Variants in PRUNE2 observed in about 807,000 individuals in gnomAD.
PRUNE2 encodes the protein prune homolog 2 with BCH domain.
Under a neutral mutation model 252.0 loss-of-function variants are expected in PRUNE2, and 164 were observed. The ratio of observed to expected loss-of-function variants is 0.65; its 90% CI spans 0.57 to 0.74. The LOEUF (loss-of-function observed/expected upper bound fraction) is 0.74. Ranked by LOEUF, PRUNE2 falls within the 30% of genes least tolerant of loss-of-function variation. The probability of loss-of-function intolerance (pLI) is 0.00; values close to 1 mark genes in which losing one functional copy is unlikely to be tolerated. For missense variants in PRUNE2, 3,495 were observed against 3,711.0 expected (o/e 0.94, Z 1.51); for synonymous variants, 1,292 against 1,350.2 (o/e 0.96, Z 0.94).
At chr9:76,842,782 T>C (rs2059461908) in intron 4 of PRUNE2, among the ~76,000 whole-genome samples, 1 of 152,160 alleles carries the variant, frequency 6.6e-6, no homozygotes, top group Non-Finnish European at 1.5e-5. Context: ...TGAGATATCA[T>C]CTCATGCCAG....
At chr9:76,830,307 G>T (rs1242245076) in intron 4 of PRUNE2, among the ~76,000 whole-genome samples, 1 of 152,044 alleles carries the variant, frequency 6.6e-6, no homozygotes, top group African/African-American at 2.4e-5. Flanking sequence ...AAAGGCAATT[G>T]GTATACTAAT....
chr9:76,754,964 C>CAAAAAA (rs11292120), intron 6 of PRUNE2, among the ~76,000 whole-genome samples: 3 of 67,952 alleles, frequency 4.4e-5, no homozygotes, highest in African/African-American at 4.9e-5. Flanking sequence ...GACTCGGTCT[C>CAAAAAA]AAAAAAAAAA....
At chr9:76,901,931 C>T (rs996045471) in intron 1 of PRUNE2, among the ~76,000 whole-genome samples, 4 of 152,202 alleles carry the variant, frequency 2.6e-5, no homozygotes, top group African/African-American at 7.2e-5. Context: ...TGACAGCTGA[C>T]AACATCCCCA....
intron 11 of PRUNE2, among the ~76,000 whole-genome samples, chr9:76,647,964 A>AACC (rs1175362531): frequency 3.3e-5 from 5 of 152,006 alleles, no homozygotes; most frequent in African/African-American, 4.8e-5. Flanking sequence ...GTGTCTCAAA[A>AACC]ACAACAACAA....
chr9:76,843,123 T>C (rs1287685777), intron 4 of PRUNE2, among the ~76,000 whole-genome samples: 1 of 152,120 alleles, frequency 6.6e-6, no homozygotes, highest in African/African-American at 2.4e-5. Flanking sequence ...ATATACACCA[T>C]GGAATACTAT....
chr9:76,658,574 A>G (rs1850112675), intron 9 of PRUNE2, among the ~76,000 whole-genome samples: 1 of 152,248 alleles, frequency 6.6e-6, no homozygotes, highest in Non-Finnish European at 1.5e-5. Context: ...CAGTTTTGTG[A>G]TCAGTAACTG....
At chr9:76,751,598 A>G (rs185801304) in intron 6 of PRUNE2, among the ~76,000 whole-genome samples, 140 of 152,320 alleles carry the variant, frequency 9.2e-4, no homozygotes, top group Non-Finnish European at 3.7e-4. Flanking sequence ...TTCGTGGGAA[A>G]TGTACCAGGC....
rs2055901557 is a variant in PRUNE2, at chr9:76,794,636, GA to G, written c.756+28995del. On this transcript the variant is annotated intron_variant, in intron 6 of 18. Coordinates refer to ENST00000376718, the MANE Select transcript of PRUNE2 (RefSeq NM_015225.3). ...CTCAAAAAAAAAAAAAAAAAGAAAAGAAAAGAAAGAAAGAAAAAGAAAGAGT... is the reference window on the plus strand; with the variant it reads ...CTCAAAAAAAAAAAAAAAAAGAAAAGAAAGAAAGAAAGAAAAAGAAAGAGT... Among the ~76,000 whole-genome samples, 6 of 144,574 alleles carry G rather than the reference GA, an allele frequency of 4.2e-5. No individual in the cohort carries two copies. In the South Asian group the frequency reaches 1.3e-3, roughly 32 times the overall value. The allele number at this position is 144,574 out of a possible 152,430, so 94.8% of individuals were successfully genotyped here.
At chr9:76,829,125 A>T (rs2058521140) in intron 4 of PRUNE2, among the ~76,000 whole-genome samples, 1 of 152,118 alleles carries the variant, frequency 6.6e-6, no homozygotes, top group African/African-American at 2.4e-5. Flanking sequence ...TGTACTAAGA[A>T]CAAGGATAAA....
intron 9 of PRUNE2, among the ~76,000 whole-genome samples, chr9:76,698,053 T>C (rs1356503912): frequency 1.2e-4 from 2 of 17,082 alleles, no homozygotes; most frequent in Non-Finnish European, 4.0e-4. Context: ...TGTAAAGGAT[T>C]TTTTTTTTTT....
chr9:76,705,636 T>C lies in PRUNE2; in HGVS notation c.6638A>G (p.Asp2213Gly), dbSNP rs559387228. The change falls in exon 8 of 19, where the codon GAT (aspartate) becomes GGT (glycine). Residue 2213 changes from aspartate to glycine, a missense_variant. Physicochemically the swap from Asp to Gly is moderately conservative, Grantham distance 94 (BLOSUM62 -1). Transcript: ENST00000376718. ...LQVSEKGASP[D>G]MAPILEPVDR... is the part of the protein sequence containing the mutation. ...AACTGGTTCCAAAATTGGTGCCATA[T>C]CTGGGCTGGCTCCTTTTTCTGATAC... 6.2e-6 allele frequency: 10 copies of C among 1,614,064 alleles called. No individual in the cohort carries two copies. The highest frequency in any genetic ancestry group is 1.7e-5 in the Admixed American group (1 of 60,026).
chr9:76,746,710 TCAAAAAAA>T (rs2050145793), intron 6 of PRUNE2, among the ~76,000 whole-genome samples: 1 of 5,534 alleles, frequency 1.8e-4, no homozygotes, highest in Non-Finnish European at 3.2e-4. Context: ...AGACTCCGTC[TCAAAAAAA>T]AAAAAAAAAA....
At chr9:76,811,254 C>G (rs2057338715) in intron 6 of PRUNE2, among the ~76,000 whole-genome samples, 1 of 152,156 alleles carries the variant, frequency 6.6e-6, no homozygotes, top group Non-Finnish European at 1.5e-5. Flanking sequence ...TGAGGGTTTC[C>G]CTTCTCATAA....
At chr9:76,712,852 G>C (rs979549221) in intron 7 of PRUNE2, among the ~76,000 whole-genome samples, 3 of 152,122 alleles carry the variant, frequency 2.0e-5, no homozygotes, top group African/African-American at 7.2e-5. Flanking sequence ...GGAGCTCTTG[G>C]GGGACAGAAA....
At chr9:76,748,469 G>GT (rs1253486297) in intron 6 of PRUNE2, among the ~76,000 whole-genome samples, 1 of 152,188 alleles carries the variant, frequency 6.6e-6, no homozygotes, top group Non-Finnish European at 1.5e-5. Context: ...ATGTGGATTA[G>GT]TAACTGCTAT....
At chr9:76,811,840 G>A (rs1564356864) in intron 6 of PRUNE2, among the ~76,000 whole-genome samples, 2 of 152,288 alleles carry the variant, frequency 1.3e-5, no homozygotes, top group South Asian at 4.1e-4. Context: ...GGTGACATAT[G>A]GAAAGACTTT....
chr9:76,617,588 T>G (rs931803673), intron 18 of PRUNE2, among the ~76,000 whole-genome samples: 2 of 152,150 alleles, frequency 1.3e-5, no homozygotes, highest in Non-Finnish European at 2.9e-5. Context: ...CTTGTGCCTC[T>G]TAAGGGCTCA....
At position 76,709,249 on chromosome 9, in the gene PRUNE2, C is replaced by T. The variant is rs1217671695; in HGVS notation, c.3025G>A (p.Asp1009Asn). 3 of 1,572,372 alleles carry T rather than the reference C, an allele frequency of 1.9e-6. No individual in the cohort carries two copies. Among genetic ancestry groups the T allele is most frequent in the Non-Finnish European group, 2.6e-6 (3 of 1,160,252 alleles). The change falls in exon 8 of 19, where the codon GAC becomes AAC. Residue 1009 changes from aspartate to asparagine, a missense_variant. Physicochemically the swap from Asp to Asn is conservative, Grantham distance 23. Transcript: ENST00000376718. Reference protein sequence around the residue: ...KDGNSTAEETDIPPQSLQQSS... With the variant: ...KDGNSTAEETNIPPQSLQQSS... ...TGTTGCAGTGACTGAGGAGGAATGT[C>T]AGTCTCCTCTGCCGTGGAGTTACCA...
At chr9:76,876,749 A>G (rs1307526119) in intron 1 of PRUNE2, among the ~76,000 whole-genome samples, 1 of 152,200 alleles carries the variant, frequency 6.6e-6, no homozygotes, top group Non-Finnish European at 1.5e-5. Flanking sequence ...TAAAATAACC[A>G]TTGGATCTTG....
Sources: gnomAD v4.1 joint callset for allele counts (sites outside exome capture counted in the v4.1 genomes callset) on GRCh38, gnomAD v4.1.1 for gene constraint, MANE v1.5 for transcripts, NCBI Gene and HGNC (gene_info 2026-07-23, HGNC 2026-07-21) for gene names.